MYH16: variants seen among roughly 807,000 people sequenced by gnomAD.
The protein encoded by MYH16 is myosin heavy chain 16.
exon 26 of MYH16, chr7:99,284,894 T>C: frequency 2.2e-6 from 1 of 456,656 alleles, no homozygotes; most frequent in Non-Finnish European, 4.4e-6. Context: ...GGATGAGCAG[T>C]CTCTGAATTC....
chr7:99,252,382 G>C (rs949831991), intron 6 of MYH16: 2 of 153,322 alleles, frequency 1.3e-5, no homozygotes, highest in African/African-American at 2.4e-5. Context: ...GGGAGGAGCA[G>C]AGGTGAGTAC....
At chr7:99,298,833 T>C (rs548331342) in intron 36 of MYH16, among the ~76,000 whole-genome samples, 4 of 151,682 alleles carry the variant, frequency 2.6e-5, no homozygotes, top group Non-Finnish European at 5.9e-5. Flanking sequence ...TAGTTACATA[T>C]GTATACATGT....
At chr7:99,298,665 CT>C (rs1204655507) in intron 36 of MYH16, among the ~76,000 whole-genome samples, 1 of 152,028 alleles carries the variant, frequency 6.6e-6, no homozygotes, top group Non-Finnish European at 1.5e-5. Flanking sequence ...TGGATTGCTT[CT>C]TTTTATTGTT....
At chr7:99,287,600 T>A (rs1453660069) in intron 28 of MYH16, among the ~76,000 whole-genome samples, 1 of 144,762 alleles carries the variant, frequency 6.9e-6, no homozygotes, top group African/African-American at 2.5e-5. Context: ...CAGTATGACA[T>A]CTTAACTGGC....
chr7:99,291,711 C>A (rs990773705), intron 31 of MYH16, among the ~76,000 whole-genome samples: 4 of 149,696 alleles, frequency 2.7e-5, no homozygotes, highest in African/African-American at 9.9e-5. Flanking sequence ...GTAATCCCAG[C>A]ACTTTGACAG....
exon 32 of MYH16, chr7:99,292,389 G>A (rs1218015751): frequency 4.4e-6 from 2 of 457,104 alleles, no homozygotes; most frequent in South Asian, 1.5e-5. Context: ...TGGAGGAGGA[G>A]CAGGGAGGCA....
chr7:99,267,903 C>T lies in MYH16; in HGVS notation n.2266+929C>T, dbSNP rs1444344653. 5.9e-5 allele frequency among the ~76,000 whole-genome samples: 9 copies of T among 152,334 alleles called. No homozygotes were observed. The East Asian group carries it at 1.7e-3, about 29-fold the overall frequency. ...GCAGTCAGGAGAGTCAGCTCAAAGCCTGCCTCTGTGCCGCCTGGAGCAGAT... is the reference window on the plus strand; with the variant it reads ...GCAGTCAGGAGAGTCAGCTCAAAGCTTGCCTCTGTGCCGCCTGGAGCAGAT... On this transcript the variant is annotated intron_variant and non_coding_transcript_variant, in intron 18 of 41. Coordinates refer to ENST00000439784, the Ensembl canonical transcript of MYH16.
At chr7:99,283,837 C>T (rs1792238026) in intron 24 of MYH16, 36 bp from the exon 7 acceptor site, 1 of 446,520 alleles carries the variant, frequency 2.2e-6, no homozygotes, top group Non-Finnish European at 4.5e-6. Flanking sequence ...TCAGACTCTC[C>T]TCGTCTACCT....
intron 9 of MYH16, among the ~76,000 whole-genome samples, chr7:99,257,001 T>C (rs189085569): frequency 1.4e-3 from 216 of 152,364 alleles, no homozygotes; most frequent in Non-Finnish European, 2.8e-3. Context: ...GAGCACTTAC[T>C]ATGTGCCAAG....
At chr7:99,295,517 G>T (rs142561517) in intron 33 of MYH16, among the ~76,000 whole-genome samples, 6 of 152,256 alleles carry the variant, frequency 3.9e-5, no homozygotes, top group African/African-American at 1.4e-4. Context: ...GTCTCTATGA[G>T]AATTAAATAG....
At chr7:99,280,073 A>G (rs1215136855) in intron 22 of MYH16, among the ~76,000 whole-genome samples, 4 of 152,092 alleles carry the variant, frequency 2.6e-5, no homozygotes, top group African/African-American at 4.8e-5. Context: ...GGGTTTCGCC[A>G]TGTTGGCCAG....
At chr7:99,244,469 C>A (rs1472989490) in intron 2 of MYH16, among the ~76,000 whole-genome samples, 5 of 152,188 alleles carry the variant, frequency 3.3e-5, no homozygotes, top group Admixed American at 3.3e-4. Context: ...CTCTAGATGT[C>A]TTTATTTAAA....
rs1792395273 is a variant in MYH16 at position 99,292,299 on chromosome 7, C to G, written n.3953-13C>G. The G allele has an allele frequency of 2.2e-6, 1 of 453,726 alleles. No individual in the cohort carries two copies. The allele number at this position is 453,726 out of a possible 1,614,324, so 28.1% of individuals were successfully genotyped here. A position where few individuals can be genotyped will look rare whatever the true frequency, so the allele number is the denominator to read the frequency against. On this transcript the variant is annotated splice_polypyrimidine_tract_variant and intron_variant and non_coding_transcript_variant, in intron 31 of 41. Transcript: ENST00000439784. ...AAAGCCCCCACGGGCGCCTGACAGG[C>G]TGGTCCCCACAGTCTCGCAGCACCG...
At chr7:99,310,207 C>A (rs1214007204), downstream of MYH16, among the ~76,000 whole-genome samples, 2 of 152,136 alleles carry the variant, frequency 1.3e-5, no homozygotes, top group African/African-American at 4.8e-5. Flanking sequence ...AGGGCACAGG[C>A]TGGCTGGAGT....
chr7:99,246,083 G>A (rs551481783), intron 2 of MYH16, among the ~76,000 whole-genome samples: 3 of 152,064 alleles, frequency 2.0e-5, no homozygotes, highest in South Asian at 2.1e-4. Flanking sequence ...GCACATGCCC[G>A]TAGTCCCAGC....
At chr7:99,291,049 T>C (rs1388043898) in intron 30 of MYH16, 2 of 184,692 alleles carry the variant, frequency 1.1e-5, no homozygotes, top group East Asian at 3.3e-4. Flanking sequence ...TTCTGCTGCA[T>C]CTCCTGACAT....
chr7:99,243,066 C>T (rs1268973669), intron 1 of MYH16, among the ~76,000 whole-genome samples: 1 of 152,244 alleles, frequency 6.6e-6, no homozygotes, highest in Non-Finnish European at 1.5e-5. Context: ...CTACTGTCAT[C>T]TCAACTTCAG....
At chr7:99,289,113 CAA>C (rs543932564) in intron 29 of MYH16, among the ~76,000 whole-genome samples, 172 bp from the exon 11 acceptor site, 200 of 128,808 alleles carry the variant, frequency 1.6e-3, no homozygotes, top group African/African-American at 3.6e-3. Flanking sequence ...TACCCTGTCT[CAA>C]AAAAAAAAAA....
Position 99,302,317 on chromosome 7 carries a change from TACACACACAC to T in MYH16, n.5137+551_5137+560del, listed in dbSNP as rs201230482. Among the ~76,000 whole-genome samples the T allele has an allele frequency of 2.1e-3, 201 of 95,566 alleles. 3 individuals carry two copies. The highest frequency in any genetic ancestry group is 7.5e-3 in the African/African-American group (162 of 21,688). The allele number at this position is 95,566 out of a possible 152,430, so 62.7% of individuals were successfully genotyped here. A position where few individuals can be genotyped will look rare whatever the true frequency, so the allele number is the denominator to read the frequency against. ...ACCATCTCAAAAAAAAAAAAATATA[TACACACACAC>T]ACACACACACACACACACACACACA... On this transcript the variant is annotated intron_variant and non_coding_transcript_variant, in intron 38 of 41. Transcript: ENST00000439784.
Sources: allele counts gnomAD v4.1 joint callset (sites outside exome capture counted in the v4.1 genomes callset), GRCh38; gene constraint gnomAD v4.1.1; transcripts MANE v1.5; gene names NCBI Gene and HGNC (gene_info 2026-07-23, HGNC 2026-07-21).